XRCC4: variants seen among roughly 807,000 people sequenced by gnomAD.
The protein encoded by XRCC4 is DNA repair protein XRCC4.
Under a neutral mutation model 39.1 loss-of-function variants are expected in XRCC4, and 28 were observed. The observed-to-expected ratio is 0.72, with a 90% confidence interval of 0.53 to 0.98. XRCC4 has a LOEUF of 0.98. Among genes scored for constraint, XRCC4 ranks in the 50% least tolerant of loss-of-function variants. XRCC4 has a pLI of 0.00. For missense variants in XRCC4, 350 were observed against 376.4 expected, an observed-to-expected ratio of 0.93 and a Z score of 0.58; for synonymous variants, 123 against 126.4, an observed-to-expected ratio of 0.97 and a Z score of 0.18.
chr5:83,330,508 G>T (rs1756403281), intron 7 of XRCC4, among the ~76,000 whole-genome samples: 1 of 151,884 alleles, frequency 6.6e-6, no homozygotes, highest in Non-Finnish European at 1.5e-5. Flanking sequence ...CTATTATTTA[G>T]TTAGGTATAT....
At chr5:83,190,409 C>G (rs1750642442) in intron 3 of XRCC4, among the ~76,000 whole-genome samples, 1 of 152,118 alleles carries the variant, frequency 6.6e-6, no homozygotes, top group Non-Finnish European at 1.5e-5. Flanking sequence ...AAATTTTTCT[C>G]TGATGTGAAT....
chr5:83,085,730 CAA>C (rs1183913319), intron 1 of XRCC4, among the ~76,000 whole-genome samples: 6 of 151,954 alleles, frequency 3.9e-5, no homozygotes, highest in Admixed American at 3.3e-4. Flanking sequence ...TTTGGGGAGA[CAA>C]AAGTTTATAC....
intron 3 of XRCC4, among the ~76,000 whole-genome samples, chr5:83,160,347 T>A (rs1473227709): frequency 6.6e-6 from 1 of 152,176 alleles, no homozygotes; most frequent in African/African-American, 2.4e-5. Flanking sequence ...AATATATTGA[T>A]CATATTTCAC....
chr5:83,134,684 T>C (rs1335313573), intron 3 of XRCC4, among the ~76,000 whole-genome samples: 1 of 152,114 alleles, frequency 6.6e-6, no homozygotes, highest in African/African-American at 2.4e-5. Flanking sequence ...CAGCAGCAAC[T>C]CACTCGGGTA....
intron 3 of XRCC4, among the ~76,000 whole-genome samples, chr5:83,158,488 A>C (rs185339926): frequency 6.6e-6 from 1 of 152,268 alleles, no homozygotes; most frequent in Admixed American, 6.5e-5. Context: ...AAATAAATCA[A>C]TGTAACTTAG....
chr5:83,331,367 T>G (rs757990440), intron 7 of XRCC4, among the ~76,000 whole-genome samples: 2 of 152,106 alleles, frequency 1.3e-5, no homozygotes, highest in Non-Finnish European at 1.5e-5. Context: ...AGCTTTTTCA[T>G]GTACTTTGTT....
intron 3 of XRCC4, among the ~76,000 whole-genome samples, chr5:83,183,062 A>T (rs570779910): frequency 7.9e-5 from 12 of 152,304 alleles, no homozygotes; most frequent in African/African-American, 2.6e-4. Flanking sequence ...CGTATTTATC[A>T]TTTTAAAGGC....
At chr5:83,140,752 C>A (rs916689002) in intron 3 of XRCC4, among the ~76,000 whole-genome samples, 1 of 151,880 alleles carries the variant, frequency 6.6e-6, no homozygotes, top group African/African-American at 2.4e-5. Flanking sequence ...TCTTTCCCAC[C>A]CCTTTCTGTT....
At chr5:83,363,252 A>T in the XRCC4 span, among the ~76,000 whole-genome samples, 2 of 152,178 alleles carry the variant, frequency 1.3e-5, no homozygotes, top group African/African-American at 4.8e-5. Flanking sequence ...ACTCTCAGCC[A>T]CTTGTGAGGC....
chr5:83,327,661 A>G (rs560927225), intron 7 of XRCC4, among the ~76,000 whole-genome samples: 1 of 152,110 alleles, frequency 6.6e-6, no homozygotes, highest in Non-Finnish European at 1.5e-5. Flanking sequence ...TGAAAAATAT[A>G]TGATGAAAAA....
intron 3 of XRCC4, among the ~76,000 whole-genome samples, chr5:83,127,775 A>C (rs139613804): frequency 1.3e-5 from 2 of 151,818 alleles, no homozygotes; most frequent in Admixed American, 1.3e-4. Flanking sequence ...TTATCATGTG[A>C]GTCTGCTTAG....
At chr5:83,214,688 T>A (rs1460436125) in intron 6 of XRCC4, among the ~76,000 whole-genome samples, 1 of 151,710 alleles carries the variant, frequency 6.6e-6, no homozygotes, top group Non-Finnish European at 1.5e-5. Flanking sequence ...ATACAAAAAA[T>A]TAGCCGGGCA....
At chr5:83,223,250 A>C (rs1752155748) in intron 6 of XRCC4, among the ~76,000 whole-genome samples, 1 of 152,018 alleles carries the variant, frequency 6.6e-6, no homozygotes. Flanking sequence ...CCTATTTTTG[A>C]ATGTGGGGTT....
intron 1 of XRCC4, among the ~76,000 whole-genome samples, chr5:83,081,318 A>G (rs887345854): frequency 6.6e-6 from 1 of 152,066 alleles, no homozygotes; most frequent in Non-Finnish European, 1.5e-5. Flanking sequence ...TTGAAAGACA[A>G]TTGTTCTGCT....
intron 7 of XRCC4, among the ~76,000 whole-genome samples, chr5:83,267,676 C>T (rs920986284): frequency 6.6e-6 from 1 of 152,136 alleles, no homozygotes; most frequent in Non-Finnish European, 1.5e-5. Context: ...CAATGGACCA[C>T]CCAGCTACCT....
Position 83,203,706 on chromosome 5 carries a change from G to T in XRCC4, c.637G>T (p.Gly213Trp). ...ACGAGAAAAGGACATCAAACAAGAA[G>T]GGTATTTTCGCTATCTTGTTTTTGG... is the stretch of plus-strand genomic sequence containing the variant. Reference protein sequence around the residue: ...QEREKDIKQEGETAICSEMTA... With the variant: ...QEREKDIKQEWETAICSEMTA... Residue 213 changes from glycine (G) to tryptophan (W), a missense_variant and splice_region_variant, in exon 5 of 8, where the codon GGG becomes TGG. Coordinates refer to ENST00000396027, the MANE Select transcript of XRCC4 (RefSeq NM_003401.5). 6.2e-7 allele frequency: 1 copy of T among 1,607,374 alleles called. No homozygotes were observed. The highest frequency in any genetic ancestry group is 1.1e-5 in the South Asian group (1 of 89,174).
chr5:83,349,645 C>G (rs1308192938), intron 7 of XRCC4, among the ~76,000 whole-genome samples: 2 of 152,102 alleles, frequency 1.3e-5, no homozygotes, highest in East Asian at 3.8e-4. Context: ...TCAGAGTGGT[C>G]CTTTGGTCAT....
intron 7 of XRCC4, among the ~76,000 whole-genome samples, chr5:83,303,459 T>C (rs1755366572): frequency 6.6e-6 from 1 of 152,156 alleles, no homozygotes; most frequent in African/African-American, 2.4e-5. Context: ...TAAATGTTGG[T>C]TGGTGAATGA....
At chr5:83,297,996 T>A (rs1298178531) in intron 7 of XRCC4, among the ~76,000 whole-genome samples, 1 of 152,008 alleles carries the variant, frequency 6.6e-6, no homozygotes, top group Non-Finnish European at 1.5e-5. Flanking sequence ...TTTCTCTTGC[T>A]GTGTAGGACC....
Sources: gnomAD v4.1 joint callset for allele counts (sites outside exome capture counted in the v4.1 genomes callset) on GRCh38, gnomAD v4.1.1 for gene constraint, MANE v1.5 for transcripts, NCBI Gene and HGNC (gene_info 2026-07-23, HGNC 2026-07-21) for gene names.